DLC1: variants seen among roughly 807,000 people sequenced by gnomAD.
DLC1 encodes the protein rho GTPase-activating protein 7.
Under a neutral mutation model 140.3 loss-of-function variants are expected in DLC1, and 54 were observed. The ratio of observed to expected loss-of-function variants is 0.38; its 90% confidence interval spans 0.31 to 0.48. DLC1 has a LOEUF of 0.48. Ranked by LOEUF, DLC1 falls within the 20% of genes least tolerant of loss-of-function variation. The pLI, the probability that DLC1 is intolerant of heterozygous loss-of-function variation, is 0.96. For synonymous variants in DLC1, 986 were observed against 728.1 expected, an observed-to-expected ratio of 1.35 and a Z score of -5.70; for missense variants, 2,536 against 1,907.0, an observed-to-expected ratio of 1.33 and a Z score of -6.14.
chr8:13,153,856 T>C (rs1031542032), intron 5 of DLC1, among the ~76,000 whole-genome samples: 1 of 151,990 alleles, frequency 6.6e-6, no homozygotes, highest in Non-Finnish European at 1.5e-5. Context: ...AGACACAGAG[T>C]GCTGATTGGT....
At chr8:13,385,735 G>T (rs1457087508) in intron 4 of DLC1, among the ~76,000 whole-genome samples, 8 of 152,112 alleles carry the variant, frequency 5.3e-5, no homozygotes, top group Admixed American at 2.6e-4. Flanking sequence ...TAGTCAAGAA[G>T]GCCCTCTGTG....
chr8:13,232,642 C>G (rs1829103069), intron 5 of DLC1, among the ~76,000 whole-genome samples: 1 of 152,184 alleles, frequency 6.6e-6, no homozygotes, highest in Non-Finnish European at 1.5e-5. Flanking sequence ...CTGCTACAGT[C>G]TTGGCATGAC....
intron 4 of DLC1, among the ~76,000 whole-genome samples, chr8:13,392,196 A>G (rs1244239898): frequency 5.3e-5 from 8 of 152,188 alleles, no homozygotes; most frequent in Non-Finnish European, 8.8e-5. Context: ...CAGTATTATC[A>G]TAGCTTGTAC....
intron 1 of DLC1, among the ~76,000 whole-genome samples, chr8:13,583,003 T>A (rs1392622913): frequency 6.6e-6 from 1 of 150,984 alleles, no homozygotes; most frequent in East Asian, 2.0e-4. Context: ...GTCATCTAAG[T>A]CTTCAGTGAG....
chr8:13,289,863 A>T (rs1003418196), intron 5 of DLC1, among the ~76,000 whole-genome samples: 1 of 152,132 alleles, frequency 6.6e-6, no homozygotes, highest in Non-Finnish European at 1.5e-5. Context: ...TGCATATGGA[A>T]TTATTTTAAT....
At chr8:13,201,204 T>C (rs983611497) in intron 5 of DLC1, among the ~76,000 whole-genome samples, 1 of 152,036 alleles carries the variant, frequency 6.6e-6, no homozygotes, top group Non-Finnish European at 1.5e-5. Flanking sequence ...TTGGGAATCT[T>C]TCAGAGTTGC....
intron 7 of DLC1, among the ~76,000 whole-genome samples, chr8:13,108,675 A>G (rs1254757463): frequency 6.6e-6 from 1 of 152,212 alleles, no homozygotes. Context: ...GCTGCTGTCC[A>G]GAGTGCCCAC....
At chr8:13,389,048 C>T (rs1293420414) in intron 4 of DLC1, among the ~76,000 whole-genome samples, 3 of 152,008 alleles carry the variant, frequency 2.0e-5, no homozygotes, top group Admixed American at 1.3e-4. Flanking sequence ...GTGCCATATC[C>T]TGTGTACTCT....
intron 6 of DLC1, among the ~76,000 whole-genome samples, chr8:13,114,989 G>A (rs1312589648): frequency 2.6e-5 from 4 of 152,148 alleles, no homozygotes; most frequent in African/African-American, 7.2e-5. Context: ...GAAGCAAGAT[G>A]AATCATTATG....
chr8:13,298,854 T>C (rs1357725753), intron 5 of DLC1, among the ~76,000 whole-genome samples: 5 of 152,138 alleles, frequency 3.3e-5, no homozygotes, highest in Non-Finnish European at 7.4e-5. Context: ...TTGTACCCCC[T>C]GAATAAAAAA....
chr8:13,374,853 T>C (rs1474017436), intron 4 of DLC1, among the ~76,000 whole-genome samples: 2 of 152,164 alleles, frequency 1.3e-5, no homozygotes. Flanking sequence ...CATTTGTTTG[T>C]GTTCTCTTCT....
intron 4 of DLC1, among the ~76,000 whole-genome samples, chr8:13,351,758 A>T (rs988406678): frequency 6.6e-6 from 1 of 152,260 alleles, no homozygotes; most frequent in Non-Finnish European, 1.5e-5. Flanking sequence ...GTCCTGATTA[A>T]GAAAAATAAT....
intron 5 of DLC1, among the ~76,000 whole-genome samples, chr8:13,150,750 T>G (rs760926373): frequency 6.6e-6 from 1 of 152,170 alleles, no homozygotes; most frequent in Non-Finnish European, 1.5e-5. Flanking sequence ...AAAACTCAGA[T>G]AAAGGCTTCA....
intron 1 of DLC1, among the ~76,000 whole-genome samples, chr8:13,577,168 A>T (rs898398387): frequency 6.6e-6 from 1 of 152,184 alleles, no homozygotes; most frequent in African/African-American, 2.4e-5. Context: ...GGGGATAAAC[A>T]TCTTCCGACA....
chr8:13,127,117 A>G (rs1170016742), intron 5 of DLC1, among the ~76,000 whole-genome samples: 1 of 152,248 alleles, frequency 6.6e-6, no homozygotes, highest in South Asian at 2.1e-4. Flanking sequence ...AGAAAAAAGT[A>G]AGATTTGCTG....
chr8:13,103,417 C>T (rs891747759), intron 7 of DLC1, among the ~76,000 whole-genome samples: 1 of 151,912 alleles, frequency 6.6e-6, no homozygotes, highest in Non-Finnish European at 1.5e-5. Context: ...TGAAATGGCA[C>T]ACAGCTATGA....
At chr8:13,409,373 G>T (rs943061384) in intron 2 of DLC1, among the ~76,000 whole-genome samples, 2 of 151,968 alleles carry the variant, frequency 1.3e-5, no homozygotes, top group East Asian at 3.9e-4. Context: ...AGCTTGTTTT[G>T]GTCTCTCAAA....
rs113261557 is a variant in DLC1, at chr8:13,317,016, A to G, written c.1315-11714T>C. 4.8e-3 allele frequency among the ~76,000 whole-genome samples: 729 copies of G among 152,160 alleles called. 8 individuals are homozygous for G. The highest frequency in any genetic ancestry group is 0.017 in the African/African-American group (710 of 41,502). Reference sequence around the variant, plus strand: ...CTTCCTATGTGGAGAGTTATGTGAGACATGGACTGTAATAAGTGAAGAAAG... The same window carrying G: ...CTTCCTATGTGGAGAGTTATGTGAGGCATGGACTGTAATAAGTGAAGAAAG... On this transcript the variant is annotated intron_variant, in intron 4 of 17. Transcript: ENST00000276297.
At chr8:13,556,508 G>A (rs1261145814) in intron 1 of DLC1, among the ~76,000 whole-genome samples, 1 of 152,136 alleles carries the variant, frequency 6.6e-6, no homozygotes, top group Non-Finnish European at 1.5e-5. Flanking sequence ...GTGCCTTCCT[G>A]GTACACTGCC....
Sources: gnomAD v4.1 joint callset for allele counts (sites outside exome capture counted in the v4.1 genomes callset) on GRCh38, gnomAD v4.1.1 for gene constraint, MANE v1.5 for transcripts, NCBI Gene and HGNC (gene_info 2026-07-23, HGNC 2026-07-21) for gene names.